TAFA4: variants seen among roughly 807,000 people sequenced by gnomAD.
The protein encoded by TAFA4 is TAFA chemokine like family member 4.
Under a neutral mutation model 21.1 loss-of-function variants are expected in TAFA4, and 20 were observed. That is an observed-to-expected ratio of 0.95 (90% CI 0.67 to 1.38). The LOEUF is 1.38. Among genes scored for constraint, TAFA4 ranks in the 40% most tolerant of loss-of-function variants. The pLI is 0.00. For synonymous variants in TAFA4, 71 were observed against 67.4 expected, an observed-to-expected ratio of 1.05 and a Z score of -0.26; for missense variants, 211 against 180.9, an observed-to-expected ratio of 1.17 and a Z score of -0.95.
chr3:68,834,205 T>G (rs1704467723), intron 3 of TAFA4, among the ~76,000 whole-genome samples: 1 of 152,216 alleles, frequency 6.6e-6, no homozygotes, highest in Non-Finnish European at 1.5e-5. Context: ...GCTAACATTT[T>G]GATCTGTTCT....
At chr3:68,917,932 G>T (rs1197381314) in intron 1 of TAFA4, among the ~76,000 whole-genome samples, 2 of 152,030 alleles carry the variant, frequency 1.3e-5, no homozygotes, top group Non-Finnish European at 2.9e-5. Flanking sequence ...AGATCTTTAG[G>T]AGTAATGATA....
intron 3 of TAFA4, among the ~76,000 whole-genome samples, chr3:68,766,676 A>G (rs1443158631): frequency 6.6e-6 from 1 of 152,208 alleles, no homozygotes; most frequent in South Asian, 2.1e-4. Flanking sequence ...AAGAACAACT[A>G]CAAAAAGCAG....
At chr3:68,739,313 C>T (rs545548161) in intron 4 of TAFA4, 114 bp from the exon 5 acceptor site, 21 of 1,313,900 alleles carry the variant, frequency 1.6e-5, no homozygotes, top group South Asian at 5.7e-5. Context: ...ATTAAATTTA[C>T]GGTTGGTAAA....
intron 3 of TAFA4, among the ~76,000 whole-genome samples, chr3:68,831,727 C>T (rs1433986774): frequency 6.6e-6 from 1 of 152,072 alleles, no homozygotes; most frequent in Non-Finnish European, 1.5e-5. Flanking sequence ...TGAATGTGGC[C>T]TGTCTTGTTA....
intron 3 of TAFA4, among the ~76,000 whole-genome samples, chr3:68,861,076 T>A (rs2089336710): frequency 8.5e-6 from 1 of 118,130 alleles, no homozygotes; most frequent in Admixed American, 1.1e-4. Flanking sequence ...CATCTGTACA[T>A]CCCAGGAAAA....
chr3:68,823,489 G>A (rs565799554), intron 3 of TAFA4, among the ~76,000 whole-genome samples: 1 of 152,156 alleles, frequency 6.6e-6, no homozygotes, highest in East Asian at 1.9e-4. Context: ...AGGACATACA[G>A]GTTTGTTACA....
At chr3:68,811,978 A>G (rs964577461) in intron 3 of TAFA4, among the ~76,000 whole-genome samples, 16 of 152,280 alleles carry the variant, frequency 1.1e-4, no homozygotes, top group African/African-American at 3.4e-4. Flanking sequence ...CGGATCTCTC[A>G]GCAGAAACTC....
intron 3 of TAFA4, among the ~76,000 whole-genome samples, chr3:68,763,304 C>T (rs1702789701): frequency 6.6e-6 from 1 of 152,150 alleles, no homozygotes. Flanking sequence ...GACTATATTA[C>T]ATTATTTCCC....
At chr3:68,734,504 C>T (rs987487623) in intron 5 of TAFA4, among the ~76,000 whole-genome samples, 1 of 151,984 alleles carries the variant, frequency 6.6e-6, no homozygotes, top group African/African-American at 2.4e-5. Flanking sequence ...AGGACTTTGG[C>T]CTTTTTCTGA....
At chr3:68,909,474 C>T (rs2089935884) in intron 1 of TAFA4, among the ~76,000 whole-genome samples, 1 of 152,146 alleles carries the variant, frequency 6.6e-6, no homozygotes, top group African/African-American at 2.4e-5. Flanking sequence ...GAGTGAATGG[C>T]TCAATCAACC....
intron 3 of TAFA4, among the ~76,000 whole-genome samples, chr3:68,772,302 T>TA (rs1702973417): frequency 6.6e-6 from 1 of 152,184 alleles, no homozygotes; most frequent in Non-Finnish European, 1.5e-5. Flanking sequence ...AAGGAATACT[T>TA]AAAAAGTTGG....
chr3:68,756,222 C>G (rs1479664394), intron 3 of TAFA4, among the ~76,000 whole-genome samples: 2 of 152,276 alleles, frequency 1.3e-5, no homozygotes, highest in South Asian at 4.1e-4. Flanking sequence ...TCTGGCTATA[C>G]CCAGCTGGGG....
Position 68,890,869 on chromosome 3 carries a change from T to G in TAFA4, c.-122-5559A>C, listed in dbSNP as rs147639832. Among the ~76,000 whole-genome samples, 600 of 152,332 alleles carry G rather than the reference T, an allele frequency of 3.9e-3. 4 individuals are homozygous for G. The highest frequency in any genetic ancestry group is 6.1e-3 in the Admixed American group (94 of 15,306). On this transcript the variant is annotated intron_variant, in intron 1 of 5. Transcript: ENST00000295569. ...AATTTGTGTAGACAATTGGACTGAA[T>G]TTGTCAGCAGATGCTCGGATTGTGC...
At chr3:68,817,342 A>G (rs1704004186) in intron 3 of TAFA4, among the ~76,000 whole-genome samples, 1 of 152,126 alleles carries the variant, frequency 6.6e-6, no homozygotes. Context: ...CTCTCTTGCT[A>G]TTTCTACTAC....
intron 1 of TAFA4, among the ~76,000 whole-genome samples, chr3:68,888,401 A>G (rs1249282258): frequency 6.6e-6 from 1 of 152,052 alleles, no homozygotes; most frequent in Non-Finnish European, 1.5e-5. Context: ...CTGAGCCCTC[A>G]CCAGAGCCAC....
chr3:68,906,885 G>C (rs1559559658), intron 1 of TAFA4, among the ~76,000 whole-genome samples: 1 of 151,922 alleles, frequency 6.6e-6, no homozygotes, highest in Non-Finnish European at 1.5e-5. Flanking sequence ...CAAAATATTA[G>C]CTGGGCATGG....
intron 3 of TAFA4, among the ~76,000 whole-genome samples, chr3:68,811,590 A>C (rs1373869220): frequency 6.6e-6 from 1 of 152,230 alleles, no homozygotes; most frequent in East Asian, 1.9e-4. Context: ...GAAGATCAAA[A>C]GAATGAAATG....
chr3:68,759,238 G>C (rs1702715617), intron 3 of TAFA4, among the ~76,000 whole-genome samples: 1 of 152,146 alleles, frequency 6.6e-6, no homozygotes, highest in Non-Finnish European at 1.5e-5. Flanking sequence ...ACCTACATTT[G>C]AAAGGGCCAT....
intron 3 of TAFA4, among the ~76,000 whole-genome samples, chr3:68,801,966 A>G (rs1703588218): frequency 6.6e-6 from 1 of 152,170 alleles, no homozygotes; most frequent in African/African-American, 2.4e-5. Context: ...GAATCCAGCA[A>G]TCTACAGTGT....
Sources: gnomAD v4.1 joint callset for allele counts (sites outside exome capture counted in the v4.1 genomes callset) on GRCh38, gnomAD v4.1.1 for gene constraint, MANE v1.5 for transcripts, NCBI Gene and HGNC (gene_info 2026-07-23, HGNC 2026-07-21) for gene names.